Variants in USP48 observed in about 807,000 individuals in gnomAD.
The protein encoded by USP48 is ubiquitin carboxyl-terminal hydrolase 48.
USP48 carries 43 observed loss-of-function variants against 150.7 expected under a neutral mutation model. The observed-to-expected ratio is 0.29, with a 90% CI of 0.22 to 0.37. USP48 has a LOEUF of 0.37. USP48 is among the 10% of genes least tolerant of loss of function. The pLI, the probability that USP48 is intolerant of heterozygous loss-of-function variation, is 1.00. For missense variants in USP48, 813 were observed against 1,249.6 expected, an observed-to-expected ratio of 0.65 and a Z score of 5.27; for synonymous variants, 396 against 425.9, an observed-to-expected ratio of 0.93 and a Z score of 0.86.
rs2097896286 is a variant in USP48 at position 21,775,650 on chromosome 1, T to C, written c.134+7174A>G. Among the ~76,000 whole-genome samples the C allele has an allele frequency of 2.6e-5, 4 of 152,238 alleles. No individual in the cohort carries two copies. The South Asian group carries it at 8.3e-4, about 31-fold the overall frequency. On this transcript the variant is annotated intron_variant, in intron 1 of 26. Coordinates refer to ENST00000308271, the MANE Select transcript of USP48 (RefSeq NM_032236.8). ...TGCTTCACACATTTCTGTAATGTTT[T>C]AATTTAGTAATAGTCATATGATGTT...
chr1:21,759,178 T>C (rs1165963206), intron 1 of USP48, among the ~76,000 whole-genome samples: 1 of 46,878 alleles, frequency 2.1e-5, no homozygotes, highest in Non-Finnish European at 4.0e-5. Flanking sequence ...AGAGACACGG[T>C]CTCAAAAAAA....
At chr1:21,702,824 T>C (rs1324455242) in intron 21 of USP48, among the ~76,000 whole-genome samples, 2 of 152,242 alleles carry the variant, frequency 1.3e-5, no homozygotes, top group Non-Finnish European at 2.9e-5. Flanking sequence ...TCAGTCACGC[T>C]AGCCACATCG....
Position 21,756,570 on chromosome 1 carries a change from C to T in USP48, c.388G>A (p.Gly130Arg). 1 of 1,585,698 alleles carries T rather than the reference C, an allele frequency of 6.3e-7. No individual in the cohort carries two copies. The highest frequency in any genetic ancestry group is 1.2e-5 in the South Asian group (1 of 86,094). ...CCTTTTTCTTCTTGGATGCCGTCTC[C>T]CAGCATGTAGTCACTACAAGTGCTT... ...CPSTCSDYML[G>R]DGIQEEKDYE... is the part of the protein sequence containing the mutation. Residue 130 changes from glycine (G) to arginine (R), a missense_variant, in exon 3 of 27, where the codon GGA becomes AGA. Coordinates refer to ENST00000308271, the MANE Select transcript of USP48 (RefSeq NM_032236.8).
chr1:21,710,952 C>T (rs551280206), intron 15 of USP48, among the ~76,000 whole-genome samples: 5 of 152,156 alleles, frequency 3.3e-5, no homozygotes, highest in Non-Finnish European at 5.9e-5. Context: ...GGACTACAGC[C>T]GTGTGCCACT....
chr1:21,706,205 CA>C lies in USP48; in HGVS notation c.2212-19del. On this transcript the variant is annotated intron_variant, in intron 17 of 26. Transcript: ENST00000308271. Reference sequence around the variant, plus strand: ...TCCGTATCCTAGAACACAAAAATCACAAAACAGTATCCGTCAATTCACCGCC... The same window carrying C: ...TCCGTATCCTAGAACACAAAAATCACAAACAGTATCCGTCAATTCACCGCC... The C allele has an allele frequency of 6.2e-7, 1 of 1,612,390 alleles. No homozygotes were observed. The highest frequency in any genetic ancestry group is 8.5e-7 in the Non-Finnish European group (1 of 1,179,160).
chr1:21,690,595 C>A (rs920993133), intron 23 of USP48, among the ~76,000 whole-genome samples: 5 of 152,018 alleles, frequency 3.3e-5, no homozygotes, highest in Non-Finnish European at 7.4e-5. Flanking sequence ...GCGATCATGG[C>A]TCATTGCAGC....
chr1:21,748,091 T>C (rs191358879), intron 7 of USP48, 47 bp downstream of exon 7: 22 of 1,590,872 alleles, frequency 1.4e-5, no homozygotes, highest in Middle Eastern at 1.7e-4. Context: ...AGTCTGTACA[T>C]AGTAGACCAC....
chr1:21,721,342 C>T (rs2097720389), intron 13 of USP48, among the ~76,000 whole-genome samples, 176 bp from the exon 14 acceptor site: 1 of 152,242 alleles, frequency 6.6e-6, no homozygotes, highest in African/African-American at 2.4e-5. Context: ...CACTATTGAA[C>T]TGCAGGGATC....
At chr1:21,750,107 TCA>T (rs1267092891) in intron 6 of USP48, among the ~76,000 whole-genome samples, 1 of 152,048 alleles carries the variant, frequency 6.6e-6, no homozygotes, top group East Asian at 1.9e-4. Flanking sequence ...CATCTCAACC[TCA>T]CACAGAGTAA....
chr1:21,688,176 C>T (rs144818026), intron 24 of USP48, among the ~76,000 whole-genome samples: 1,878 of 152,228 alleles, frequency 0.012, 16 homozygotes, highest in African/African-American at 0.021. Context: ...AAGTTAGGCC[C>T]TTAGGGAGGG....
Position 21,679,069 on chromosome 1 carries a change from A to G in USP48, c.*348T>C, listed in dbSNP as rs1571646587. ...ACGCATCTGGTATGAAACTCGAGCA[A>G]GGAAATATAACAGAACTTTATTCCC... On this transcript the variant is annotated 3_prime_UTR_variant, in exon 27 of 27. Coordinates refer to ENST00000308271, the MANE Select transcript of USP48 (RefSeq NM_032236.8). 1 of 373,610 alleles carries G rather than the reference A, an allele frequency of 2.7e-6. No homozygotes were observed. The highest frequency in any genetic ancestry group is 6.5e-5 in the East Asian group (1 of 15,390). The allele number at this position is 373,610 out of a possible 1,614,324, so 23.1% of individuals were successfully genotyped here.
chr1:21,748,353 T>C (rs991205976), intron 6 of USP48, 82 bp from the exon 7 acceptor site: 2 of 1,304,770 alleles, frequency 1.5e-6, no homozygotes, highest in African/African-American at 3.0e-5. Context: ...AAAGTATAAT[T>C]TCATTTCAGT....
At chr1:21,694,264 G>C (rs2097614361) in intron 23 of USP48, among the ~76,000 whole-genome samples, 4 of 151,942 alleles carry the variant, frequency 2.6e-5, no homozygotes, top group Admixed American at 2.6e-4. Context: ...AAACATCAAG[G>C]TAAAGATAAT....
chr1:21,727,063 G>A (rs2097739699), intron 11 of USP48, among the ~76,000 whole-genome samples: 1 of 152,176 alleles, frequency 6.6e-6, no homozygotes, highest in Non-Finnish European at 1.5e-5. Context: ...TTTACCTAGA[G>A]ATAATTTAAG....
chr1:21,707,450 C>A (rs1268785431), intron 15 of USP48, among the ~76,000 whole-genome samples: 1 of 152,168 alleles, frequency 6.6e-6, no homozygotes, highest in Non-Finnish European at 1.5e-5. Flanking sequence ...AATCTGAAAA[C>A]CATCTCCAGT....
At chr1:21,777,700 G>A (rs1441798357) in intron 1 of USP48, among the ~76,000 whole-genome samples, 2 of 151,998 alleles carry the variant, frequency 1.3e-5, no homozygotes, top group African/African-American at 2.4e-5. Flanking sequence ...AGAAGAAGAA[G>A]AAATTGGACT....
At chr1:21,700,891 C>G (rs2097653687) in intron 22 of USP48, among the ~76,000 whole-genome samples, 1 of 151,678 alleles carries the variant, frequency 6.6e-6, no homozygotes, top group Admixed American at 6.6e-5. Context: ...AGGTGAAACC[C>G]CGTCTCCATT....
At chr1:21,751,230 G>A (rs1193677768) in intron 6 of USP48, among the ~76,000 whole-genome samples, 1 of 152,162 alleles carries the variant, frequency 6.6e-6, no homozygotes, top group Non-Finnish European at 1.5e-5. Flanking sequence ...TCAGCATAGA[G>A]TTCTTTCAAT....
intron 15 of USP48, among the ~76,000 whole-genome samples, chr1:21,709,555 C>G (rs562920665): frequency 6.7e-6 from 1 of 149,520 alleles, no homozygotes; most frequent in Non-Finnish European, 1.5e-5. Context: ...ACGGCAACTA[C>G]AATATTTAAA....
Sources: allele counts gnomAD v4.1 joint callset (sites outside exome capture counted in the v4.1 genomes callset), GRCh38; gene constraint gnomAD v4.1.1; transcripts MANE v1.5; gene names NCBI Gene and HGNC (gene_info 2026-07-23, HGNC 2026-07-21).